HECTD4: variants seen among roughly 807,000 people sequenced by gnomAD.
HECTD4 encodes probable E3 ubiquitin-protein ligase HECTD4.
A neutral mutation model predicts 471.5 loss-of-function variants in HECTD4; 114 were observed. That is an observed-to-expected ratio of 0.24 (90% CI 0.21 to 0.28). The LOEUF is 0.28. HECTD4 is among the 10% of genes least tolerant of loss of function. The pLI is 1.00. For synonymous variants in HECTD4, 2,012 were observed against 2,256.0 expected (o/e 0.89, Z 3.07); for missense variants, 3,866 against 5,651.5 (o/e 0.68, Z 10.13).
At position 112,192,633 on chromosome 12, in the gene HECTD4, C is replaced by T. The variant is rs1191173348; in HGVS notation, c.9219G>A (p.Gly3073=). ...GGTCAGCGGTGGGGGGAGGTGCAAG[C>T]CCAGTGTTGGCTGGGGACGCGTCCC... The part of the protein sequence containing the change: ...YPRDASPANT[G]LAPPPTADQY... Residue 3073 remains glycine (G), a synonymous_variant, in exon 59 of 76, where the codon GGG becomes GGA. Transcript: ENST00000682272. The T allele has an allele frequency of 6.2e-7, 1 of 1,609,640 alleles. No homozygotes were observed. The highest frequency in any genetic ancestry group is 8.5e-7 in the Non-Finnish European group (1 of 1,178,386).
chr12:112,231,432 A>C (rs1243001077), intron 39 of HECTD4, 81 bp downstream of exon 39: 1 of 1,380,854 alleles, frequency 7.2e-7, no homozygotes, highest in African/African-American at 1.4e-5. Context: ...GGGATGGTAG[A>C]AAATTAAAAA....
rs2036891955 is a variant in HECTD4 at position 112,381,645 on chromosome 12, C to T, written c.177+307G>A. On this transcript the variant is annotated intron_variant, in intron 1 of 75. Transcript: ENST00000682272. This position sits in a 1 kb window ranked among gnomAD's most constrained non-coding sequence, Gnocchi z 4.1. ...GAGGGCCCGGGTGGTGGCGGTGGCTCCTCTGGGGCATGAAGGCCGAGCCAG... is the reference window on the plus strand; with the variant it reads ...GAGGGCCCGGGTGGTGGCGGTGGCTTCTCTGGGGCATGAAGGCCGAGCCAG... Among the ~76,000 whole-genome samples the T allele has an allele frequency of 1.3e-5, 2 of 152,092 alleles. No homozygotes were observed. Among genetic ancestry groups the T allele is most frequent in the South Asian group, 4.1e-4 (2 of 4,826 alleles).
chr12:112,329,379 T>G (rs954774496), intron 1 of HECTD4, among the ~76,000 whole-genome samples: 9 of 151,806 alleles, frequency 5.9e-5, no homozygotes, highest in Middle Eastern at 3.4e-3. Context: ...TGTTTTTTTT[T>G]TTTTTTTTAA....
At chr12:112,307,219 A>C (rs936632568) in intron 6 of HECTD4, among the ~76,000 whole-genome samples, 6 of 152,246 alleles carry the variant, frequency 3.9e-5, no homozygotes, top group East Asian at 3.8e-4. Context: ...CTGACCCCTC[A>C]ATTGATTTCA....
rs1175526869 is a variant in HECTD4 at position 112,188,084 on chromosome 12, T to C, written c.9473-2591A>G. ...GGTGGGTCACCTGAGGTCAGGAGACTGAGACCAGCCTGGCTAACATGGTGA... is the reference window on the plus strand; with the variant it reads ...GGTGGGTCACCTGAGGTCAGGAGACCGAGACCAGCCTGGCTAACATGGTGA... On this transcript the variant is annotated intron_variant, in intron 60 of 75. Coordinates refer to ENST00000682272, the MANE Select transcript of HECTD4 (RefSeq NM_001388303.1). The surrounding 1 kb of genome is among the most constrained non-coding windows in gnomAD (Gnocchi z 4.2). Among the ~76,000 whole-genome samples, 3 of 152,008 alleles carry C rather than the reference T, an allele frequency of 2.0e-5. No individual in the cohort carries two copies. Among genetic ancestry groups the C allele is most frequent in the Non-Finnish European group, 4.4e-5 (3 of 67,986 alleles).
At chr12:112,291,765 G>A (rs1471878205) in intron 7 of HECTD4, among the ~76,000 whole-genome samples, 1 of 152,112 alleles carries the variant, frequency 6.6e-6, no homozygotes, top group African/African-American at 2.4e-5. Context: ...CCAGCTACTC[G>A]GGAGGCTGAG....
chr12:112,254,603 A>G (rs2033967027), intron 21 of HECTD4, among the ~76,000 whole-genome samples: 1 of 152,232 alleles, frequency 6.6e-6, no homozygotes, highest in South Asian at 2.1e-4. Flanking sequence ...GGTTATATCT[A>G]ACACAACAAC....
Position 112,179,102 on chromosome 12 carries a change from C to A in HECTD4, c.11212-20G>T, listed in dbSNP as rs534799321. On this transcript the variant is annotated intron_variant, in intron 63 of 75. Coordinates refer to ENST00000682272, the MANE Select transcript of HECTD4 (RefSeq NM_001388303.1). The surrounding 1 kb of genome is among the most constrained non-coding windows in gnomAD (Gnocchi z 4.3). ...CAGGATCTGTGGAGCACAGAGGCAG[C>A]GGGGAGGCTCTCAGGTTCGCCCTGC... The A allele has an allele frequency of 5.0e-6, 8 of 1,613,814 alleles. No individual in the cohort carries two copies. Among genetic ancestry groups the A allele is most frequent in the African/African-American group, 1.3e-5 (1 of 75,064 alleles).
At chr12:112,275,923 C>T (rs765147598) in intron 9 of HECTD4, among the ~76,000 whole-genome samples, 1 of 152,178 alleles carries the variant, frequency 6.6e-6, no homozygotes, top group East Asian at 1.9e-4. Flanking sequence ...GAATAATATC[C>T]GTTCTTTATG....
rs1362272645 is a variant in HECTD4 at position 112,270,251 on chromosome 12, T to C, written c.2151A>G (p.Ile717Met). 1 of 1,613,276 alleles carries C rather than the reference T, an allele frequency of 6.2e-7. No individual in the cohort carries two copies. The highest frequency in any genetic ancestry group is 1.7e-5 in the Admixed American group (1 of 60,002). ...KAMVNGDTCI[I>M]RCILVVFQVV... ...CCTGAAAGACAACGAGAATGCAGCG[T>C]ATAATACAGGTATCTCCATTAACCA... Residue 717 changes from isoleucine (I) to methionine (M), a missense_variant, in exon 12 of 76, where the codon ATA (isoleucine) becomes ATG (methionine). By Grantham distance (10) the Ile-to-Met change is conservative (BLOSUM62 1). This residue lies in a region of HECTD4 where 525 missense variants were observed against 672.6 expected (regional missense o/e 0.78). Coordinates refer to ENST00000682272, the MANE Select transcript of HECTD4 (RefSeq NM_001388303.1).
chr12:112,217,072 C>T lies in HECTD4; in HGVS notation c.7198G>A (p.Gly2400Ser). 6.3e-7 allele frequency: 1 copy of T among 1,584,204 alleles called. No individual in the cohort carries two copies. The highest frequency in any genetic ancestry group is 8.6e-7 in the Non-Finnish European group (1 of 1,164,610). ...DPSAGGGLPR[G>S]TFIYATSPLP... is the part of the protein sequence containing the mutation. ...GGTGAAGTGGCATAGATAAAAGTGCCCCGGGGCAGGCCTCCCCCAGCGCTG... is the reference window on the plus strand; with the variant it reads ...GGTGAAGTGGCATAGATAAAAGTGCTCCGGGGCAGGCCTCCCCCAGCGCTG... Residue 2400 changes from glycine to serine, a missense_variant, in exon 46 of 76, where the codon GGC becomes AGC. Transcript: ENST00000682272.
intron 70 of HECTD4, among the ~76,000 whole-genome samples, chr12:112,169,134 A>C (rs2031105755): frequency 6.6e-6 from 1 of 152,196 alleles, no homozygotes. Flanking sequence ...CTCATCCCTG[A>C]AGAGTGCTAT....
At chr12:112,206,199 G>A (rs936574796) in intron 52 of HECTD4, among the ~76,000 whole-genome samples, 3 of 152,146 alleles carry the variant, frequency 2.0e-5, no homozygotes, top group Non-Finnish European at 4.4e-5. Context: ...CGTTGTGGGT[G>A]AAAGGGCAGG....
chr12:112,252,376 C>T lies in HECTD4; in HGVS notation c.3552+48G>A, dbSNP rs182168037. ...AAATATGCTGTATGTAATCAAGGCA[C>T]ATAGCAGATAGTACATTTTGTCCAC... is the stretch of plus-strand genomic sequence containing the variant. On this transcript the variant is annotated intron_variant, in intron 23 of 75. Coordinates refer to ENST00000682272, the MANE Select transcript of HECTD4 (RefSeq NM_001388303.1). The T allele has an allele frequency of 7.2e-6, 11 of 1,532,370 alleles. No individual in the cohort carries two copies. The East Asian group carries it at 2.6e-4, about 36-fold the overall frequency. The allele number at this position is 1,532,370 out of a possible 1,614,324, so 94.9% of individuals were successfully genotyped here. A position where few individuals can be genotyped will look rare whatever the true frequency, so the allele number is the denominator to read the frequency against.
At chr12:112,282,459 C>T (rs1463691493) in intron 8 of HECTD4, among the ~76,000 whole-genome samples, 1 of 151,992 alleles carries the variant, frequency 6.6e-6, no homozygotes, top group Non-Finnish European at 1.5e-5. Flanking sequence ...ATACTACCTT[C>T]TATTAAGAAA....
intron 1 of HECTD4, among the ~76,000 whole-genome samples, chr12:112,337,542 T>C (rs1053286871): frequency 1.3e-5 from 2 of 152,132 alleles, no homozygotes; most frequent in Admixed American, 1.3e-4. Context: ...AGTATGACAA[T>C]TCACGTAATG....
chr12:112,169,939 C>G, intron 69 of HECTD4: 2 of 572,732 alleles, frequency 3.5e-6, no homozygotes, highest in Non-Finnish European at 6.3e-6. Flanking sequence ...TCCTCGCCCC[C>G]CAACTCCTCT....
rs1176901604 is a variant in HECTD4 at position 112,213,293 on chromosome 12, G to C, written c.7466-643C>G. On this transcript the variant is annotated intron_variant, in intron 48 of 75. Transcript: ENST00000682272. This position sits in a 1 kb window ranked among gnomAD's most constrained non-coding sequence, Gnocchi z 4.0. ...GGTACTATTTTTAAAATAGAAAAAT[G>C]AAGTTTTTCTCTTTTGACACATGGA... Among the ~76,000 whole-genome samples the C allele has an allele frequency of 1.3e-5, 2 of 152,094 alleles. No homozygotes were observed. The highest frequency in any genetic ancestry group is 4.8e-5 in the African/African-American group (2 of 41,418).
Position 112,163,700 on chromosome 12 carries a change from T to C in HECTD4, c.12739A>G (p.Ser4247Gly). The C allele has an allele frequency of 1.3e-6, 2 of 1,511,522 alleles. No individual in the cohort carries two copies. Among genetic ancestry groups the C allele is most frequent in the South Asian group, 1.3e-5 (1 of 78,242 alleles). 93.6% of individuals were successfully genotyped at this position (1,511,522 alleles called of 1,614,324 possible). ...TTCTGCAGCTCCCGCAGCCGCAGGCTCCGGATGGCTGCCGCGTAGATGTCC... is the reference window on the plus strand; with the variant it reads ...TTCTGCAGCTCCCGCAGCCGCAGGCCCCGGATGGCTGCCGCGTAGATGTCC... The part of the protein sequence containing the change: ...NKDIYAAAIR[S>G]LRLRELQNVE... The change falls in exon 74 of 76, where the codon AGC (serine) becomes GGC (glycine). Residue 4247 changes from serine (S) to glycine (G), a missense_variant. By Grantham distance (56) the Ser-to-Gly change is moderately conservative. Coordinates refer to ENST00000682272, the MANE Select transcript of HECTD4 (RefSeq NM_001388303.1). The surrounding 1 kb of genome is among the most constrained non-coding windows in gnomAD (Gnocchi z 8.2).
Sources: gnomAD v4.1 joint callset for allele counts (sites outside exome capture counted in the v4.1 genomes callset) on GRCh38, gnomAD v4.1.1 for gene constraint, gnomAD v4.1.1 regional missense constraint, Gnocchi (gnomAD v3.1) non-coding constraint, MANE v1.5 for transcripts, NCBI Gene and HGNC (gene_info 2026-07-23, HGNC 2026-07-21) for gene names.